ABCB9: variants seen among roughly 807,000 people sequenced by gnomAD.
The protein encoded by ABCB9 is ABC-type oligopeptide transporter ABCB9.
A neutral mutation model predicts 62.0 loss-of-function variants in ABCB9; 36 were observed. The observed-to-expected ratio is 0.58, with a 90% CI of 0.45 to 0.77. The LOEUF is 0.77. Among genes scored for constraint, ABCB9 ranks in the 30% least tolerant of loss-of-function variants. The pLI is 0.00. For missense variants in ABCB9, 943 were observed against 1,054.7 expected, an observed-to-expected ratio of 0.89 and a Z score of 1.47; for synonymous variants, 435 against 461.4, an observed-to-expected ratio of 0.94 and a Z score of 0.73.
In ABCB9 at chr12:122,948,843, G is replaced by A. The variant is rs368132229; in HGVS notation, c.848-14C>T. The stretch of plus-strand genomic sequence containing the variant: ...AGATGAGGTCCCCTGGAACACACGC[G>A]GCTCAGCTCTCACCACAGCAACCCG... On this transcript the variant is annotated splice_polypyrimidine_tract_variant and intron_variant, in intron 4 of 11. Coordinates refer to ENST00000280560, the MANE Select transcript of ABCB9 (RefSeq NM_019625.4). The A allele has an allele frequency of 1.4e-5, 22 of 1,521,898 alleles. No individual in the cohort carries two copies. Among genetic ancestry groups the A allele is most frequent in the African/African-American group, 1.3e-4 (9 of 71,240 alleles). The allele number at this position is 1,521,898 out of a possible 1,614,324, so 94.3% of individuals were successfully genotyped here. A position where few individuals can be genotyped will look rare whatever the true frequency, so the allele number is the denominator to read the frequency against.
At chr12:122,949,734 C>A in intron 4 of ABCB9, 54 bp downstream of exon 4, 2 of 1,606,916 alleles carry the variant, frequency 1.2e-6, no homozygotes, top group Non-Finnish European at 1.7e-6. Context: ...GCCAGGCAAG[C>A]CCACAGGGGT....
intron 6 of ABCB9, among the ~76,000 whole-genome samples, chr12:122,945,688 GC>G: frequency 6.6e-6 from 1 of 152,148 alleles, no homozygotes; most frequent in Non-Finnish European, 1.5e-5. Context: ...GACCAGCCTG[GC>G]CAAGATAGTG....
In ABCB9 at chr12:122,959,676, A is replaced by G; in HGVS notation, c.560T>C (p.Phe187Ser). Residue 187 changes from phenylalanine to serine, a missense_variant, in exon 2 of 12, where the codon TTC becomes TCC. Physicochemically the swap from Phe to Ser is radical, Grantham distance 155. Coordinates refer to ENST00000280560, the MANE Select transcript of ABCB9 (RefSeq NM_019625.4). This position sits in a 1 kb window ranked among gnomAD's most constrained non-coding sequence, Gnocchi z 5.4. ...GAGGAAGAAGGAGGCGGCCACGAGGAAGGCCACGTCGGGCTTGGTGTAGGA... is the reference window on the plus strand; with the variant it reads ...GAGGAAGAAGGAGGCGGCCACGAGGGAGGCCACGTCGGGCTTGGTGTAGGA... ...LLSYTKPDVA[F>S]LVAASFFLIV... The G allele has an allele frequency of 6.3e-7, 1 of 1,584,970 alleles. No homozygotes were observed. Among genetic ancestry groups the G allele is most frequent in the Non-Finnish European group, 8.6e-7 (1 of 1,160,080 alleles).
rs560169981 is a variant in ABCB9 at position 122,930,699 on chromosome 12, G to A, written c.2041-528C>T. Among the ~76,000 whole-genome samples, 162 of 151,914 alleles carry A rather than the reference G, an allele frequency of 1.1e-3. No homozygotes were observed. Among genetic ancestry groups the A allele is most frequent in the African/African-American group, 3.6e-3 (150 of 41,396 alleles). On this transcript the variant is annotated intron_variant, in intron 11 of 11. Coordinates refer to ENST00000280560, the MANE Select transcript of ABCB9 (RefSeq NM_019625.4). The surrounding 1 kb of genome is among the most constrained non-coding windows in gnomAD (Gnocchi z 4.9). Reference sequence around the variant, plus strand: ...GCTGGGATTACAGGTGTGAGCCACCGCGCCTGGCCTTCCTTGTTTCTTATC... The same window carrying A: ...GCTGGGATTACAGGTGTGAGCCACCACGCCTGGCCTTCCTTGTTTCTTATC...
intron 1 of ABCB9, among the ~76,000 whole-genome samples, chr12:122,963,949 T>C (rs1041915064): frequency 2.0e-5 from 3 of 152,194 alleles, no homozygotes; most frequent in Non-Finnish European, 4.4e-5. Flanking sequence ...CGCAGGCTCC[T>C]GTCTGCTGCA....
downstream of ABCB9, chr12:122,924,674 C>T (rs1385881425): frequency 1.3e-6 from 2 of 1,514,582 alleles, no homozygotes; most frequent in East Asian, 5.0e-5. Context: ...GGCGCCAGGA[C>T]TAAGCCAGCC....
intron 5 of ABCB9, 159 bp downstream of exon 5, chr12:122,948,465 A>T: frequency 1.4e-6 from 1 of 695,630 alleles, no homozygotes; most frequent in Non-Finnish European, 2.2e-6. Flanking sequence ...GGTGGTCAAT[A>T]ATTATTTATT....
In ABCB9 at chr12:122,935,271, C is replaced by T; in HGVS notation, c.1903+1G>A. On this transcript the variant is annotated splice_donor_variant, in intron 10 of 11. Transcript: ENST00000280560. LOFTEE classifies it high-confidence loss of function. ...GAGAGGGGCCACCCCCAGCTCCACA[C>T]CTGTGCTGTAGCCGTCCTGGAGTTC... 1 of 1,605,040 alleles carries T rather than the reference C, an allele frequency of 6.2e-7. No individual in the cohort carries two copies. Among genetic ancestry groups the T allele is most frequent in the Non-Finnish European group, 8.5e-7 (1 of 1,175,208 alleles).
intron 1 of ABCB9, among the ~76,000 whole-genome samples, chr12:122,971,760 T>C (rs949007041): frequency 5.9e-5 from 9 of 152,046 alleles, no homozygotes; most frequent in Admixed American, 2.0e-4. Context: ...CCAAAAACTA[T>C]AGAATATATG....
At chr12:122,952,950 T>G (rs1004075189) in intron 2 of ABCB9, 1 of 152,246 alleles carries the variant, frequency 6.6e-6, no homozygotes, top group Admixed American at 6.5e-5. Flanking sequence ...CTGTTGGAAC[T>G]AACTTCAGAT....
chr12:122,948,767 T>C lies in ABCB9; in HGVS notation c.910A>G (p.Ile304Val). 1 of 1,610,624 alleles carries C rather than the reference T, an allele frequency of 6.2e-7. No individual in the cohort carries two copies. Among genetic ancestry groups the C allele is most frequent in the Non-Finnish European group, 8.5e-7 (1 of 1,178,272 alleles). The part of the protein sequence containing the change: ...TMVSDLVSQN[I>V]NVFLRNTVKV... ...ACTGTGTTCCGCAGGAAGACATTGA[T>C]GTTCTGGGAGACCAGGTCGCTGACC... Residue 304 changes from isoleucine (I) to valine (V), a missense_variant, in exon 5 of 12, where the codon ATC (isoleucine) becomes GTC (valine). Coordinates refer to ENST00000280560, the MANE Select transcript of ABCB9 (RefSeq NM_019625.4).
intron 7 of ABCB9, among the ~76,000 whole-genome samples, chr12:122,943,986 T>C (rs1459356422): frequency 6.6e-6 from 1 of 152,202 alleles, no homozygotes; most frequent in Non-Finnish European, 1.5e-5. Context: ...TCACCCAGGC[T>C]GGAGTACAGT....
downstream of ABCB9, chr12:122,924,520 A>G (rs1203575934): frequency 1.1e-5 from 12 of 1,048,774 alleles, no homozygotes; most frequent in South Asian, 1.4e-4. Flanking sequence ...ATGGGCCTCT[A>G]TGCTCAGCTC....
Position 122,960,111 on chromosome 12 carries a change from T to C in ABCB9, c.125A>G (p.Asn42Ser), listed in dbSNP as rs2036815782. 6.2e-7 allele frequency: 1 copy of C among 1,613,672 alleles called. No homozygotes were observed. The highest frequency in any genetic ancestry group is 8.5e-7 in the Non-Finnish European group (1 of 1,180,036). Residue 42 changes from asparagine (N) to serine (S), a missense_variant, in exon 2 of 12, where the codon AAC becomes AGC. By Grantham distance (46) the Asn-to-Ser change is conservative. Transcript: ENST00000280560. The stretch of plus-strand genomic sequence containing the variant: ...GAGATCCAGCACCGAGTCAAAGATG[T>C]TGAAGTGGCGGATGTCCTCCAGGAG... ...RSLLEDIRHF[N>S]IFDSVLDLWA...
chr12:122,958,209 A>G, intron 2 of ABCB9, among the ~76,000 whole-genome samples: 1 of 151,928 alleles, frequency 6.6e-6, no homozygotes, highest in Non-Finnish European at 1.5e-5. Context: ...TAAGAGGAAA[A>G]GGCTCAAAAT....
At position 122,959,276 on chromosome 12, in the gene ABCB9, T is replaced by C. The variant is rs1374512247; in HGVS notation, c.601+359A>G. On this transcript the variant is annotated intron_variant, in intron 2 of 11. Coordinates refer to ENST00000280560, the MANE Select transcript of ABCB9 (RefSeq NM_019625.4). The surrounding 1 kb of genome is among the most constrained non-coding windows in gnomAD (Gnocchi z 5.4). Reference sequence around the variant, plus strand: ...CTGAGGCAGGAGAATCACTTGAAGCTGGGAGGCAGAGGTTGCAGTGACCTG... The same window carrying C: ...CTGAGGCAGGAGAATCACTTGAAGCCGGGAGGCAGAGGTTGCAGTGACCTG... Among the ~76,000 whole-genome samples, 1 of 151,878 alleles carries C rather than the reference T, an allele frequency of 6.6e-6. No individual in the cohort carries two copies. Among genetic ancestry groups the C allele is most frequent in the Non-Finnish European group, 1.5e-5 (1 of 67,988 alleles).
chr12:122,969,048 C>T (rs1479354315), upstream of ABCB9, among the ~76,000 whole-genome samples: 2 of 152,100 alleles, frequency 1.3e-5, no homozygotes, highest in South Asian at 2.1e-4. Context: ...CTTGGTGAGG[C>T]GGGGAAGGTA....
At chr12:122,974,201 G>A (rs1026622261) in intron 1 of ABCB9, among the ~76,000 whole-genome samples, 4 of 152,174 alleles carry the variant, frequency 2.6e-5, no homozygotes, top group Admixed American at 6.5e-5. Flanking sequence ...GGGGAAAAAG[G>A]GCAGTTAGGC....
Position 122,932,114 on chromosome 12 carries a change from T to C in ABCB9, c.2040+78A>G, listed in dbSNP as rs1411298318. The stretch of plus-strand genomic sequence containing the variant: ...TCCTGGGGCCCGTCTCTTCTCAGCA[T>C]CCATCTGCTGGGCGATGGGGGCTCT... On this transcript the variant is annotated intron_variant, in intron 11 of 11. Coordinates refer to ENST00000280560, the MANE Select transcript of ABCB9 (RefSeq NM_019625.4). The surrounding 1 kb of genome is among the most constrained non-coding windows in gnomAD (Gnocchi z 4.7). 6.5e-7 allele frequency: 1 copy of C among 1,545,872 alleles called. No homozygotes were observed. Among genetic ancestry groups the C allele is most frequent in the Non-Finnish European group, 8.7e-7 (1 of 1,144,382 alleles).
Sources: gnomAD v4.1 joint callset for allele counts (sites outside exome capture counted in the v4.1 genomes callset) on GRCh38, gnomAD v4.1.1 for gene constraint, Gnocchi (gnomAD v3.1) non-coding constraint, MANE v1.5 for transcripts, NCBI Gene and HGNC (gene_info 2026-07-23, HGNC 2026-07-21) for gene names.